MYO16: variants seen among roughly 807,000 people sequenced by gnomAD.
MYO16 encodes unconventional myosin-XVI.
A neutral mutation model predicts 205.3 loss-of-function variants in MYO16; 94 were observed. The observed-to-expected ratio is 0.46, with a 90% CI of 0.39 to 0.54. The LOEUF (loss-of-function observed/expected upper bound fraction) is 0.54, where lower values mean the gene tolerates loss of function less well. MYO16 is among the 20% of genes least tolerant of loss of function. The pLI is 0.00. For synonymous variants in MYO16, 988 were observed against 954.0 expected, an observed-to-expected ratio of 1.04 and a Z score of -0.66; for missense variants, 2,315 against 2,387.5, an observed-to-expected ratio of 0.97 and a Z score of 0.63.
the MYO16 span, among the ~76,000 whole-genome samples, chr13:108,537,524 A>G: frequency 6.6e-6 from 1 of 152,150 alleles, no homozygotes; most frequent in Non-Finnish European, 1.5e-5. Flanking sequence ...CAATAGAAGG[A>G]TTACTGGGTT....
chr13:108,561,360 C>T, the MYO16 span, among the ~76,000 whole-genome samples: 3 of 152,202 alleles, frequency 2.0e-5, no homozygotes, highest in African/African-American at 7.2e-5. Flanking sequence ...GCATAGACTT[C>T]CAAGGGCAAC....
At chr13:108,964,256 A>G (rs1335778652) in intron 19 of MYO16, among the ~76,000 whole-genome samples, 2 of 152,192 alleles carry the variant, frequency 1.3e-5, no homozygotes, top group African/African-American at 4.8e-5. Flanking sequence ...ATCACTCAAG[A>G]GTTCAATCAC....
chr13:108,728,031 C>T (rs1884399986), intron 4 of MYO16, among the ~76,000 whole-genome samples: 1 of 151,936 alleles, frequency 6.6e-6, no homozygotes, highest in African/African-American at 2.4e-5. Flanking sequence ...ATATAAAAAG[C>T]ATTGGAGTTT....
chr13:108,568,739 T>G, the MYO16 span, among the ~76,000 whole-genome samples: 1 of 152,090 alleles, frequency 6.6e-6, no homozygotes, highest in Non-Finnish European at 1.5e-5. Context: ...CTACTTGTTC[T>G]TTTGATGTCA....
intron 7 of MYO16, among the ~76,000 whole-genome samples, chr13:108,810,964 A>G (rs1887273474): frequency 6.6e-6 from 1 of 152,234 alleles, no homozygotes; most frequent in African/African-American, 2.4e-5. Flanking sequence ...TTCAAAAACT[A>G]GGAACTGAAT....
chr13:109,204,689 G>C (rs1880528497), intron 34 of MYO16, among the ~76,000 whole-genome samples: 1 of 152,178 alleles, frequency 6.6e-6, no homozygotes. Flanking sequence ...AATTATAGAT[G>C]ATGCGAACAA....
intron 2 of MYO16, among the ~76,000 whole-genome samples, chr13:108,666,782 T>C (rs1245499297): frequency 1.3e-5 from 2 of 152,244 alleles, no homozygotes; most frequent in Non-Finnish European, 2.9e-5. Flanking sequence ...CAAATCTCAA[T>C]TGTCTTCACA....
intron 27 of MYO16, among the ~76,000 whole-genome samples, chr13:109,096,842 G>C (rs868776828): frequency 4.1e-4 from 62 of 152,212 alleles, no homozygotes; most frequent in African/African-American, 1.2e-3. Flanking sequence ...AGCTCTGAGG[G>C]AGGGTAGAGC....
At chr13:108,613,341 G>A (rs944378781) in intron 1 of MYO16, among the ~76,000 whole-genome samples, 5 of 152,064 alleles carry the variant, frequency 3.3e-5, no homozygotes, top group Admixed American at 6.6e-5. Flanking sequence ...TGGATATGCT[G>A]AAGACATTCT....
chr13:108,568,334 TTTC>T, the MYO16 span, among the ~76,000 whole-genome samples: 4 of 152,184 alleles, frequency 2.6e-5, no homozygotes, highest in South Asian at 4.1e-4. Context: ...AGTGTTCTAA[TTTC>T]TTCTTATCTT....
At chr13:108,726,671 G>C (rs1884352798) in intron 3 of MYO16, among the ~76,000 whole-genome samples, 1 of 151,982 alleles carries the variant, frequency 6.6e-6, no homozygotes, top group Non-Finnish European at 1.5e-5. Flanking sequence ...CATTCAAGAT[G>C]GTAAAGGCAG....
chr13:108,908,281 C>T (rs1418435444), intron 15 of MYO16, among the ~76,000 whole-genome samples: 2 of 152,162 alleles, frequency 1.3e-5, no homozygotes, highest in Non-Finnish European at 2.9e-5. Context: ...TTATGCACTC[C>T]TGGCAACTTT....
intron 33 of MYO16, among the ~76,000 whole-genome samples, chr13:109,169,682 C>A (rs1878848570): frequency 6.6e-6 from 1 of 151,660 alleles, no homozygotes; most frequent in Non-Finnish European, 1.5e-5. Flanking sequence ...CTAAATAACA[C>A]CGTAAATGTT....
At chr13:108,576,056 C>T in the MYO16 span, among the ~76,000 whole-genome samples, 1 of 151,988 alleles carries the variant, frequency 6.6e-6, no homozygotes, top group Non-Finnish European at 1.5e-5. Flanking sequence ...CACCCTAAGA[C>T]TAAAGAAAAA....
intron 21 of MYO16, 137 bp downstream of exon 21, chr13:108,992,585 A>C (rs1884872500): frequency 1.8e-6 from 1 of 560,674 alleles, no homozygotes; most frequent in Non-Finnish European, 3.1e-6. Context: ...TAAAATTAAT[A>C]TCTCTGGTTT....
At chr13:108,580,767 T>C in the MYO16 span, among the ~76,000 whole-genome samples, 1 of 152,190 alleles carries the variant, frequency 6.6e-6, no homozygotes, top group African/African-American at 2.4e-5. Context: ...GGGATGTCAC[T>C]CACACAGTTC....
chr13:108,653,338 C>T lies in MYO16; in HGVS notation c.29-12548C>T, dbSNP rs193101208. ...ATATTTTCTCCCATTCTGTAAGCTG[C>T]CTTTTCACTGTGATGCTTATGTACT... is the stretch of plus-strand genomic sequence containing the variant. On this transcript the variant is annotated intron_variant, in intron 1 of 34. Transcript: ENST00000457511. Among the ~76,000 whole-genome samples the T allele has an allele frequency of 2.0e-5, 3 of 152,182 alleles. No homozygotes were observed. The East Asian group carries it at 5.8e-4, about 29-fold the overall frequency.
At chr13:108,837,700 C>T (rs903475430) in intron 9 of MYO16, among the ~76,000 whole-genome samples, 2 of 152,292 alleles carry the variant, frequency 1.3e-5, no homozygotes, top group African/African-American at 4.8e-5. Flanking sequence ...AAAATGATGT[C>T]TCCATAGTCT....
chr13:108,832,422 G>A (rs935828593), intron 9 of MYO16, among the ~76,000 whole-genome samples: 5 of 152,024 alleles, frequency 3.3e-5, no homozygotes, highest in East Asian at 3.9e-4. Context: ...GATTACAGGC[G>A]TGAGCCACCG....
Sources: gnomAD v4.1 joint callset for allele counts (sites outside exome capture counted in the v4.1 genomes callset) on GRCh38, gnomAD v4.1.1 for gene constraint, MANE v1.5 for transcripts, NCBI Gene and HGNC (gene_info 2026-07-23, HGNC 2026-07-21) for gene names.